The following SH3GL3 variants were observed in gnomAD, a reference collection of about 807,000 sequenced individuals.
SH3GL3 encodes the protein SH3 domain containing GRB2 like 3, endophilin A3.
Under a neutral mutation model 47.7 loss-of-function variants are expected in SH3GL3, and 33 were observed. That is an observed-to-expected ratio of 0.69 (90% CI 0.52 to 0.92). The LOEUF (loss-of-function observed/expected upper bound fraction) is 0.92. Ranked by LOEUF, SH3GL3 falls within the 40% of genes least tolerant of loss-of-function variation. The probability of loss-of-function intolerance (pLI) is 0.00; values close to 1 mark genes in which losing one functional copy is unlikely to be tolerated. For missense variants in SH3GL3, 363 were observed against 417.8 expected (o/e 0.87, Z 1.14); for synonymous variants, 155 against 148.8 (o/e 1.04, Z -0.30).
At chr15:83,509,428 T>A (rs1048794622) in intron 1 of SH3GL3, among the ~76,000 whole-genome samples, 3 of 152,240 alleles carry the variant, frequency 2.0e-5, no homozygotes, top group African/African-American at 4.8e-5. Context: ...TAAACTGGTT[T>A]ATATTTTCTG....
At chr15:83,571,518 G>GC (rs1385137794) in intron 4 of SH3GL3, among the ~76,000 whole-genome samples, 1 of 152,108 alleles carries the variant, frequency 6.6e-6, no homozygotes, top group Non-Finnish European at 1.5e-5. Flanking sequence ...GTCCTGGGAA[G>GC]CCTTAGTTTA....
chr15:83,630,113 G>A, the SH3GL3 span, among the ~76,000 whole-genome samples: 1 of 152,172 alleles, frequency 6.6e-6, no homozygotes, highest in Non-Finnish European at 1.5e-5. Context: ...CTGCCACCAT[G>A]TAAGACATGA....
intron 1 of SH3GL3, among the ~76,000 whole-genome samples, chr15:83,499,085 C>T (rs572357667): frequency 1.3e-5 from 2 of 152,190 alleles, no homozygotes; most frequent in South Asian, 2.1e-4. Context: ...TCCTCTTCCC[C>T]CACCTGCTGA....
intron 1 of SH3GL3, among the ~76,000 whole-genome samples, chr15:83,545,938 C>T (rs1295798647): frequency 2.0e-5 from 3 of 152,210 alleles, no homozygotes; most frequent in Non-Finnish European, 4.4e-5. Context: ...GATACAAGCA[C>T]TCCTGTGACC....
chr15:83,503,268 T>C (rs760193120), intron 1 of SH3GL3, among the ~76,000 whole-genome samples: 17 of 152,204 alleles, frequency 1.1e-4, no homozygotes, highest in Non-Finnish European at 2.1e-4. Flanking sequence ...TACCCAATAT[T>C]ATTACATTTA....
chr15:83,517,809 C>T (rs1056936621), intron 1 of SH3GL3, among the ~76,000 whole-genome samples: 4 of 152,026 alleles, frequency 2.6e-5, no homozygotes, highest in African/African-American at 9.7e-5. Context: ...GTGTATATTG[C>T]ATGACGCTGA....
rs71156085 is a variant in SH3GL3 at position 83,541,312 on chromosome 15, A to ATT, written c.46-17903_46-17902dup. ...GATGGCTGGATCATATGGTAATTCT[A>ATT]TTTTTTTTTTTTTTTTTTTTTTTTT... is the stretch of plus-strand genomic sequence containing the variant. On this transcript the variant is annotated intron_variant, in intron 1 of 8. Coordinates refer to ENST00000427482, the MANE Select transcript of SH3GL3 (RefSeq NM_003027.5). Among the ~76,000 whole-genome samples, 56 of 47,348 alleles carry ATT rather than the reference A, an allele frequency of 1.2e-3. 22 individuals carry two copies. Among genetic ancestry groups the ATT allele is most frequent in the South Asian group, 0.012 (8 of 694 alleles). 31.1% of individuals were successfully genotyped at this position (47,348 alleles called of 152,430 possible).
rs75215610 is a variant in SH3GL3 at position 83,584,020 on chromosome 15, G to A, written c.625-2963G>A. On this transcript the variant is annotated intron_variant, in intron 6 of 8. Transcript: ENST00000427482. ...GTTTCCTATTGGGGCCATAACAAAT[G>A]ACCACAAACTGTAGCTTAAAGCAAC... Among the ~76,000 whole-genome samples, 485 of 152,254 alleles carry A rather than the reference G, an allele frequency of 3.2e-3. 1 individual carries two copies. The highest frequency in any genetic ancestry group is 0.011 in the African/African-American group (450 of 41,540).
intron 8 of SH3GL3, among the ~76,000 whole-genome samples, chr15:83,590,273 T>C (rs1379160220): frequency 6.6e-6 from 1 of 152,174 alleles, no homozygotes; most frequent in East Asian, 1.9e-4. Flanking sequence ...TTGCTTTGAG[T>C]ATACAGAAGC....
Position 83,559,337 on chromosome 15 carries a change from T to G in SH3GL3, c.114+16T>G. On this transcript the variant is annotated intron_variant, in intron 2 of 8. Transcript: ENST00000427482. ...CATGGAAAGGGTAAGAGCATTTTAA[T>G]ATGTAAATTGATTAGAAACTGACTT... The G allele has an allele frequency of 7.2e-7, 1 of 1,396,844 alleles. No individual in the cohort carries two copies. The highest frequency in any genetic ancestry group is 1.0e-6 in the Non-Finnish European group (1 of 982,110). The allele number at this position is 1,396,844 out of a possible 1,614,324, so 86.5% of individuals were successfully genotyped here. A position where few individuals can be genotyped will look rare whatever the true frequency, so the allele number is the denominator to read the frequency against.
chr15:83,618,264 G>A lies in SH3GL3; in HGVS notation c.1021G>A (p.Val341Met). The A allele has an allele frequency of 6.2e-7, 1 of 1,609,626 alleles. No homozygotes were observed. Among genetic ancestry groups the A allele is most frequent in the Non-Finnish European group, 8.5e-7 (1 of 1,175,878 alleles). ...ATTCTTCCCCATTAATTACGTGGAA[G>A]TGATCGTGCCTTTACCTCAGTAAAT... ...SGFFPINYVE[V>M]IVPLPQ Residue 341 changes from valine (V) to methionine (M), a missense_variant, in exon 9 of 9, where the codon GTG becomes ATG. Coordinates refer to ENST00000427482, the MANE Select transcript of SH3GL3 (RefSeq NM_003027.5).
chr15:83,608,213 C>A (rs961246760), intron 8 of SH3GL3, among the ~76,000 whole-genome samples: 1 of 152,114 alleles, frequency 6.6e-6, no homozygotes, highest in African/African-American at 2.4e-5. Context: ...TGGATAAATA[C>A]AGGGCTGTTA....
chr15:83,478,194 T>C (rs1596060878), intron 1 of SH3GL3, among the ~76,000 whole-genome samples: 2 of 152,214 alleles, frequency 1.3e-5, no homozygotes, highest in South Asian at 2.1e-4. Flanking sequence ...GGGCTTAACC[T>C]ACGGGAGGGC....
chr15:83,502,967 G>C (rs2042353852), intron 1 of SH3GL3, among the ~76,000 whole-genome samples: 2 of 152,034 alleles, frequency 1.3e-5, no homozygotes, highest in African/African-American at 4.8e-5. Flanking sequence ...ATTTCCTTTA[G>C]GAGCAATGGT....
chr15:83,463,540 A>G (rs891436820), intron 1 of SH3GL3, among the ~76,000 whole-genome samples: 31 of 152,300 alleles, frequency 2.0e-4, no homozygotes, highest in African/African-American at 7.2e-4. Context: ...TGCCCAGATT[A>G]TAGTTCTTTT....
chr15:83,547,798 G>T (rs2044478586), intron 1 of SH3GL3, among the ~76,000 whole-genome samples: 3 of 145,714 alleles, frequency 2.1e-5, no homozygotes. Context: ...TTTAAATGCT[G>T]GCTGATGCTT....
chr15:83,631,902 A>G, the SH3GL3 span, among the ~76,000 whole-genome samples: 95,103 of 152,120 alleles, frequency 0.63, 30,331 homozygotes, highest in African/African-American at 0.74. Context: ...TCTCCCCATA[A>G]AATGGATTTT....
At chr15:83,545,350 A>T (rs957428271) in intron 1 of SH3GL3, among the ~76,000 whole-genome samples, 1 of 152,080 alleles carries the variant, frequency 6.6e-6, no homozygotes, top group African/African-American at 2.4e-5. Context: ...TCCAGAATTT[A>T]TGCTTAGTTC....
At chr15:83,551,150 C>A (rs2044649460) in intron 1 of SH3GL3, among the ~76,000 whole-genome samples, 1 of 152,188 alleles carries the variant, frequency 6.6e-6, no homozygotes. Flanking sequence ...TTTGTCACTG[C>A]TCGGTTGTAG....
Sources: gnomAD v4.1 joint callset for allele counts (sites outside exome capture counted in the v4.1 genomes callset) on GRCh38, gnomAD v4.1.1 for gene constraint, MANE v1.5 for transcripts, NCBI Gene and HGNC (gene_info 2026-07-23, HGNC 2026-07-21) for gene names.